The following RNF111 variants were observed in gnomAD, a reference collection of about 807,000 sequenced individuals.
The protein encoded by RNF111 is ring finger protein 111.
In RNF111, 17 loss-of-function variants were observed where a neutral mutation model predicts 95.1. The ratio of observed to expected loss-of-function variants is 0.18; its 90% CI spans 0.12 to 0.27. The LOEUF is 0.27. Among genes scored for constraint, RNF111 ranks in the 10% least tolerant of loss-of-function variants. RNF111 has a pLI of 1.00. For missense variants in RNF111, 1,189 were observed against 1,210.4 expected (o/e 0.98, Z 0.26); for synonymous variants, 440 against 414.8 (o/e 1.06, Z -0.74).
At chr15:59,065,280 A>T (rs1243585232) in intron 5 of RNF111, among the ~76,000 whole-genome samples, 1 of 152,162 alleles carries the variant, frequency 6.6e-6, no homozygotes, top group Non-Finnish European at 1.5e-5. Context: ...TAGTTTCCAT[A>T]TAATATTTAG....
At chr15:59,070,029 CTTTT>C (rs1189748185) in intron 6 of RNF111, among the ~76,000 whole-genome samples, 1,415 of 22,508 alleles carry the variant, frequency 0.063, 63 homozygotes, top group East Asian at 0.096. Flanking sequence ...CCACCTCCTG[CTTTT>C]TTTTTTTTTT....
chr15:59,075,861 G>A, intron 6 of RNF111, 93 bp from the exon 7 acceptor site: 1 of 1,337,960 alleles, frequency 7.5e-7, no homozygotes, highest in Non-Finnish European at 1.0e-6. Context: ...TAAAGATTAT[G>A]TTTTTTTGGT....
At chr15:59,043,759 T>C (rs142666883) in intron 2 of RNF111, among the ~76,000 whole-genome samples, 220 of 152,304 alleles carry the variant, frequency 1.4e-3, no homozygotes, top group African/African-American at 4.6e-3. Flanking sequence ...TAATTGTGAC[T>C]GTAAAAGACG....
At chr15:59,041,720 G>A (rs2041459059) in intron 2 of RNF111, among the ~76,000 whole-genome samples, 1 of 152,114 alleles carries the variant, frequency 6.6e-6, no homozygotes, top group Non-Finnish European at 1.5e-5. Context: ...TTTCTCCATG[G>A]TGATTGTAAC....
intron 2 of RNF111, among the ~76,000 whole-genome samples, chr15:59,046,661 G>A (rs1157211576): frequency 1.3e-5 from 2 of 152,158 alleles, no homozygotes; most frequent in Non-Finnish European, 2.9e-5. Flanking sequence ...GTGACCTTGG[G>A]TTAGACAAAG....
chr15:59,081,331 T>A, intron 8 of RNF111, 47 bp downstream of exon 8: 1 of 1,493,050 alleles, frequency 6.7e-7, no homozygotes, highest in Non-Finnish European at 9.2e-7. Flanking sequence ...CTTTTTCTTC[T>A]ACTTCCATTG....
At chr15:59,005,833 C>G (rs1443373320) in intron 1 of RNF111, among the ~76,000 whole-genome samples, 1 of 152,116 alleles carries the variant, frequency 6.6e-6, no homozygotes, top group Non-Finnish European at 1.5e-5. Context: ...GCATATGTTA[C>G]TTTGTTTAAT....
intron 1 of RNF111, among the ~76,000 whole-genome samples, chr15:59,020,413 G>A (rs2141645995): frequency 6.6e-6 from 1 of 152,106 alleles, no homozygotes; most frequent in South Asian, 2.1e-4. Context: ...ATGACTTGTA[G>A]TGCTGCCACC....
intron 5 of RNF111, among the ~76,000 whole-genome samples, chr15:59,060,841 G>C (rs2042405832): frequency 6.8e-6 from 1 of 147,928 alleles, no homozygotes; most frequent in Non-Finnish European, 1.5e-5. Context: ...TGACTCTGTT[G>C]CCCAGGCCTG....
At chr15:59,069,030 TGCCA>T (rs1288932186) in intron 6 of RNF111, among the ~76,000 whole-genome samples, 5 of 138,974 alleles carry the variant, frequency 3.6e-5, no homozygotes, top group Non-Finnish European at 6.0e-5. Flanking sequence ...GCTGAGATCA[TGCCA>T]CCACACTCCA....
intron 1 of RNF111, among the ~76,000 whole-genome samples, chr15:59,001,185 T>C (rs1274597674): frequency 5.3e-5 from 8 of 152,088 alleles, no homozygotes. Flanking sequence ...GTTGACCTGC[T>C]TGAGAAATAG....
chr15:59,094,793 T>C lies in RNF111; in HGVS notation c.2854T>C (p.Cys952Arg), dbSNP rs1385368774. Residue 952 changes from cysteine to arginine, a missense_variant, in exon 14 of 14, where the codon TGT (cysteine) becomes CGT (arginine). This residue lies in a region of RNF111 where 165 missense variants were observed against 284.6 expected (regional missense o/e 0.58). Transcript: ENST00000348370. ...EEGEDVRRLPCMHLFHQVCVD... is the reference protein window; with the variant it reads ...EEGEDVRRLPRMHLFHQVCVD... ...TCTTGCCAATAATAGACGTCTTCCA[T>C]GTATGCACCTTTTCCACCAAGTGTG... 6.2e-7 allele frequency: 1 copy of C among 1,604,844 alleles called. No individual in the cohort carries two copies. The highest frequency in any genetic ancestry group is 8.5e-7 in the Non-Finnish European group (1 of 1,171,732).
intron 4 of RNF111, among the ~76,000 whole-genome samples, chr15:59,056,786 T>G (rs1189575803): frequency 6.6e-6 from 1 of 152,192 alleles, no homozygotes; most frequent in Non-Finnish European, 1.5e-5. Flanking sequence ...GTCGTTAATG[T>G]AATAGGGATT....
intron 8 of RNF111, among the ~76,000 whole-genome samples, chr15:59,082,210 T>G (rs1366253805): frequency 6.6e-6 from 1 of 152,268 alleles, no homozygotes; most frequent in African/African-American, 2.4e-5. Context: ...ACCAGGTTAT[T>G]TAGTAAAATC....
At chr15:59,094,655 G>A in intron 13 of RNF111, 128 bp from the exon 14 acceptor site, 1 of 609,318 alleles carries the variant, frequency 1.6e-6, no homozygotes, top group Admixed American at 2.7e-5. Context: ...TAATCGATGT[G>A]TTTTTTATAG....
In RNF111 at chr15:59,031,719, T is replaced by C; in HGVS notation, c.880+17T>C. ...TTCCCTCAGGTAAAAATGTTTAAGCTGAGTAAAACATGGAACCTATTGCAT... is the reference window on the plus strand; with the variant it reads ...TTCCCTCAGGTAAAAATGTTTAAGCCGAGTAAAACATGGAACCTATTGCAT... On this transcript the variant is annotated intron_variant, in intron 2 of 13. Transcript: ENST00000348370. 1 of 1,604,464 alleles carries C rather than the reference T, an allele frequency of 6.2e-7. No individual in the cohort carries two copies. Among genetic ancestry groups the C allele is most frequent in the Non-Finnish European group, 8.5e-7 (1 of 1,175,390 alleles).
At chr15:58,988,753 A>G (rs974123322) in intron 1 of RNF111, among the ~76,000 whole-genome samples, 9 of 152,220 alleles carry the variant, frequency 5.9e-5, no homozygotes, top group African/African-American at 2.2e-4. Flanking sequence ...ACCAGAAAGT[A>G]TGAGGTATTC....
intron 2 of RNF111, among the ~76,000 whole-genome samples, chr15:59,032,889 ACT>A (rs141592141): frequency 1.7e-4 from 26 of 148,910 alleles, no homozygotes; most frequent in South Asian, 6.4e-4. Context: ...ATGCGTGCTG[ACT>A]CTCTCTCTCT....
chr15:59,091,618 T>A (rs985369434), intron 12 of RNF111, among the ~76,000 whole-genome samples: 1 of 152,204 alleles, frequency 6.6e-6, no homozygotes, highest in Non-Finnish European at 1.5e-5. Flanking sequence ...TTTATTGATG[T>A]ATGTTTCTTC....
Sources: allele counts gnomAD v4.1 joint callset (sites outside exome capture counted in the v4.1 genomes callset), GRCh38; gene constraint gnomAD v4.1.1; regional missense constraint gnomAD v4.1.1; transcripts MANE v1.5; gene names NCBI Gene and HGNC (gene_info 2026-07-23, HGNC 2026-07-21).